NAPA: variants seen among roughly 807,000 people sequenced by gnomAD.
NAPA encodes the protein alpha-soluble NSF attachment protein.
A neutral mutation model predicts 48.0 loss-of-function variants in NAPA; 18 were observed. That is an observed-to-expected ratio of 0.38 (90% CI 0.26 to 0.56). The LOEUF (loss-of-function observed/expected upper bound fraction) is 0.56. NAPA is among the 20% of genes least tolerant of loss of function. The pLI is 0.77. For missense variants in NAPA, 315 were observed against 385.0 expected, an observed-to-expected ratio of 0.82 and a Z score of 1.52; for synonymous variants, 152 against 149.9, an observed-to-expected ratio of 1.01 and a Z score of -0.10.
In NAPA at chr19:47,493,582, T is replaced by A. The variant is rs1968339806; in HGVS notation, c.343-89A>T. Reference sequence around the variant, plus strand: ...CTATGACCCTTCAAGTTCCCACCCCTCAGCCACGCCTGTGAGGAGGTATGA... The same window carrying A: ...CTATGACCCTTCAAGTTCCCACCCCACAGCCACGCCTGTGAGGAGGTATGA... On this transcript the variant is annotated intron_variant, in intron 4 of 10. Coordinates refer to ENST00000263354, the MANE Select transcript of NAPA (RefSeq NM_003827.4). The surrounding 1 kb of genome is among the most constrained non-coding windows in gnomAD (Gnocchi z 6.4). 4.5e-6 allele frequency: 5 copies of A among 1,105,172 alleles called. No individual in the cohort carries two copies. The South Asian group carries it at 5.0e-5, about 11-fold the overall frequency. The allele number at this position is 1,105,172 out of a possible 1,614,324, so 68.5% of individuals were successfully genotyped here. A position where few individuals can be genotyped will look rare whatever the true frequency, so the allele number is the denominator to read the frequency against.
At chr19:47,485,318 A>G (rs1968039734), downstream of NAPA, among the ~76,000 whole-genome samples, 2 of 152,228 alleles carry the variant, frequency 1.3e-5, no homozygotes, top group Admixed American at 1.3e-4. Flanking sequence ...AGAGAATCAA[A>G]TGGAGGCTCA....
intron 3 of NAPA, 144 bp from the exon 4 acceptor site, chr19:47,495,740 C>G: frequency 1.4e-6 from 1 of 731,068 alleles, no homozygotes; most frequent in Non-Finnish European, 2.4e-6. Flanking sequence ...GCCACACACT[C>G]TCAAGGGGCT....
chr19:47,491,986 G>C (rs759186970), intron 8 of NAPA, 29 bp downstream of exon 8: 11 of 1,592,996 alleles, frequency 6.9e-6, no homozygotes, highest in Middle Eastern at 1.7e-4. Flanking sequence ...GGCCTGGTGC[G>C]GTGGTCCTGC....
chr19:47,514,841 A>C lies in NAPA; in HGVS notation c.98+2T>G, dbSNP rs951788936. Reference sequence around the variant, plus strand: ...CGGCCGACCCCTCAGCCCGGTTCTCACCCAAAGAGGCCAGAGAAGAAGGAC... The same window carrying C: ...CGGCCGACCCCTCAGCCCGGTTCTCCCCCAAAGAGGCCAGAGAAGAAGGAC... On this transcript the variant is annotated splice_donor_variant, in intron 1 of 10. Coordinates refer to ENST00000263354, the MANE Select transcript of NAPA (RefSeq NM_003827.4). LOFTEE classifies it high-confidence loss of function. 2.5e-6 allele frequency: 4 copies of C among 1,613,320 alleles called. No homozygotes were observed. In the African/African-American group the frequency reaches 5.3e-5, roughly 22 times the overall value.
intron 1 of NAPA, 83 bp from the exon 2 acceptor site, chr19:47,503,585 CA>C: frequency 2.3e-6 from 3 of 1,317,176 alleles, no homozygotes; most frequent in Non-Finnish European, 3.3e-6. Flanking sequence ...GTGCCGGGCA[CA>C]GACGTGCCCC....
chr19:47,505,815 G>C (rs951375390), intron 1 of NAPA, among the ~76,000 whole-genome samples: 2 of 152,012 alleles, frequency 1.3e-5, no homozygotes, highest in African/African-American at 4.8e-5. Flanking sequence ...CTTGCCAGAT[G>C]AAAAGCCTAC....
intron 3 of NAPA, chr19:47,495,901 G>A (rs1968410798): frequency 2.9e-5 from 12 of 411,434 alleles, no homozygotes; most frequent in South Asian, 2.5e-4. Context: ...CCCAGGGACA[G>A]GGCACAGCAG....
At chr19:47,487,479 C>T (rs1453442882), downstream of NAPA, among the ~76,000 whole-genome samples, 1 of 152,096 alleles carries the variant, frequency 6.6e-6, no homozygotes, top group Non-Finnish European at 1.5e-5. Flanking sequence ...CCCTGGGTCT[C>T]CCCCACCTAG....
intron 4 of NAPA, among the ~76,000 whole-genome samples, chr19:47,494,450 G>A (rs531456665): frequency 6.6e-6 from 1 of 152,190 alleles, no homozygotes; most frequent in South Asian, 2.1e-4. Context: ...GAGGCAAAAA[G>A]GAGCTGGCCA....
chr19:47,495,777 C>T (rs1028227922), intron 3 of NAPA, 181 bp from the exon 4 acceptor site: 24 of 622,572 alleles, frequency 3.9e-5, no homozygotes, highest in Non-Finnish European at 6.0e-5. Context: ...AATCCCTGAG[C>T]CCCAGGAAAT....
chr19:47,491,106 C>T (rs1049913869), intron 8 of NAPA: 18 of 430,344 alleles, frequency 4.2e-5, no homozygotes, highest in African/African-American at 3.3e-4. Flanking sequence ...AGATAGGCAC[C>T]CACTGCCTCC....
At chr19:47,489,892 A>G (rs1343790491) in intron 9 of NAPA, 131 bp from the exon 10 acceptor site, 1 of 865,422 alleles carries the variant, frequency 1.2e-6, no homozygotes, top group Non-Finnish European at 1.9e-6. Context: ...CAGAGGGTCA[A>G]TCCGTGTGGG....
chr19:47,498,758 C>T (rs972602735), intron 3 of NAPA, among the ~76,000 whole-genome samples: 9 of 152,230 alleles, frequency 5.9e-5, no homozygotes, highest in Non-Finnish European at 1.0e-4. Context: ...AAAGCAGCCA[C>T]TGCCCTTGAT....
Position 47,488,235 on chromosome 19 carries a change from C to A in NAPA, c.*53G>T, listed in dbSNP as rs1480324126. 10 of 1,513,440 alleles carry A rather than the reference C, an allele frequency of 6.6e-6. No homozygotes were observed. Among genetic ancestry groups the A allele is most frequent in the Non-Finnish European group, 9.1e-6 (10 of 1,102,162 alleles). 93.8% of individuals were successfully genotyped at this position (1,513,440 alleles called of 1,614,324 possible). On this transcript the variant is annotated 3_prime_UTR_variant, in exon 11 of 11. Coordinates refer to ENST00000263354, the MANE Select transcript of NAPA (RefSeq NM_003827.4). ...GCTCTCCAGCAAGTCTCGGCCCCAC[C>A]TCTCTCTGAGCAGATGGGACAGGAA...
chr19:47,494,735 C>CAAA lies in NAPA; in HGVS notation c.342+812_342+814dup, dbSNP rs11462456. Among the ~76,000 whole-genome samples the CAAA allele has an allele frequency of 2.4e-3, 159 of 66,502 alleles. 4 individuals carry two copies. Among genetic ancestry groups the CAAA allele is most frequent in the African/African-American group, 2.7e-3 (45 of 16,602 alleles). 43.6% of individuals were successfully genotyped at this position (66,502 alleles called of 152,430 possible). ...CCTAGATGAGAGAGAAACTCTGTCTCAAAAAAAAAAAAAAAAAAAAAAAGA... is the reference window on the plus strand; with the variant it reads ...CCTAGATGAGAGAGAAACTCTGTCTCAAAAAAAAAAAAAAAAAAAAAAAAAAGA... On this transcript the variant is annotated intron_variant, in intron 4 of 10. Coordinates refer to ENST00000263354, the MANE Select transcript of NAPA (RefSeq NM_003827.4).
chr19:47,491,989 G>A, intron 8 of NAPA, 26 bp downstream of exon 8: 1 of 1,599,194 alleles, frequency 6.3e-7, no homozygotes, highest in East Asian at 2.2e-5. Context: ...CTGGTGCGGT[G>A]GTCCTGCGGG....
intron 1 of NAPA, among the ~76,000 whole-genome samples, chr19:47,513,280 C>T (rs1011309269): frequency 1.3e-5 from 2 of 152,234 alleles, no homozygotes; most frequent in African/African-American, 4.8e-5. Context: ...TCTCCTGACC[C>T]CTCCCAGACC....
chr19:47,498,109 G>A (rs905232251), intron 3 of NAPA, among the ~76,000 whole-genome samples: 14 of 152,220 alleles, frequency 9.2e-5, no homozygotes, highest in Admixed American at 8.5e-4. Context: ...GAGCCCAGTC[G>A]GGCCTCAGGC....
Position 47,493,529 on chromosome 19 carries a change from A to T in NAPA, c.343-36T>A, listed in dbSNP as rs1243546296. On this transcript the variant is annotated intron_variant, in intron 4 of 10. Coordinates refer to ENST00000263354, the MANE Select transcript of NAPA (RefSeq NM_003827.4). The surrounding 1 kb of genome is among the most constrained non-coding windows in gnomAD (Gnocchi z 6.4). The stretch of plus-strand genomic sequence containing the variant: ...CACAGGAAGGGGCTGCCTGCGACTC[A>T]TGACCTCCTGCGTGCCTGCCTGCTG... 1 of 1,592,814 alleles carries T rather than the reference A, an allele frequency of 6.3e-7. No individual in the cohort carries two copies. The highest frequency in any genetic ancestry group is 1.1e-5 in the South Asian group (1 of 90,660).
Sources: allele counts gnomAD v4.1 joint callset (sites outside exome capture counted in the v4.1 genomes callset), GRCh38; gene constraint gnomAD v4.1.1; non-coding constraint Gnocchi (gnomAD v3.1); transcripts MANE v1.5; gene names NCBI Gene and HGNC (gene_info 2026-07-23, HGNC 2026-07-21).